TTBK2: variants seen among roughly 807,000 people sequenced by gnomAD.
TTBK2 encodes tau tubulin kinase 2, also known as tau-tubulin kinase 2.
Under a neutral mutation model 110.8 loss-of-function variants are expected in TTBK2, and 28 were observed. That is an observed-to-expected ratio of 0.25 (90% CI 0.19 to 0.35). TTBK2 has a LOEUF of 0.35. Among genes scored for constraint, TTBK2 ranks in the 10% least tolerant of loss-of-function variants. The pLI is 1.00. For missense variants in TTBK2, 1,369 were observed against 1,500.3 expected, an observed-to-expected ratio of 0.91 and a Z score of 1.45; for synonymous variants, 532 against 527.3, an observed-to-expected ratio of 1.01 and a Z score of -0.12.
In TTBK2 at chr15:42,775,476, C is replaced by T. The variant is rs372204873; in HGVS notation, c.1657G>A (p.Val553Met). The T allele has an allele frequency of 6.2e-7, 1 of 1,614,190 alleles. No homozygotes were observed. Among genetic ancestry groups the T allele is most frequent in the Non-Finnish European group, 8.5e-7 (1 of 1,180,026 alleles). ...AGGTCCTGCTCCTTGTCCACAATCA[C>T]CCATTCTTTGGAATCAATTTCTTGC... Reference protein sequence around the residue: ...CKQEIDSKEWVIVDKEQDLQD... With the variant: ...CKQEIDSKEWMIVDKEQDLQD... The change falls in exon 13 of 15, where the codon GTG becomes ATG. Residue 553 changes from valine to methionine, a missense_variant. Val to Met is a conservative substitution (Grantham distance 21, BLOSUM62 1). This residue lies in a region of TTBK2 where 1,097 missense variants were observed against 1,114.7 expected (regional missense o/e 0.98). Transcript: ENST00000267890.
intron 1 of TTBK2, among the ~76,000 whole-genome samples, chr15:42,901,687 G>A (rs1340873378): frequency 3.3e-5 from 5 of 150,690 alleles, no homozygotes; most frequent in Admixed American, 2.6e-4. Context: ...TATCAACAGA[G>A]TGAAAAGACA....
chr15:42,772,198 A>T (rs1468561407), intron 13 of TTBK2, among the ~76,000 whole-genome samples: 1 of 150,388 alleles, frequency 6.6e-6, no homozygotes, highest in African/African-American at 2.5e-5. Context: ...TGTGGCTTCC[A>T]TCTCGGTGGG....
intron 13 of TTBK2, among the ~76,000 whole-genome samples, chr15:42,769,226 A>G (rs1259796647): frequency 1.3e-5 from 2 of 152,232 alleles, no homozygotes; most frequent in Non-Finnish European, 2.9e-5. Context: ...CTAAAACACC[A>G]AAAGCAATGG....
intron 3 of TTBK2, among the ~76,000 whole-genome samples, chr15:42,844,844 A>C (rs1225883335): frequency 6.6e-6 from 1 of 152,198 alleles, no homozygotes; most frequent in Non-Finnish European, 1.5e-5. Context: ...ATAAGTATTA[A>C]AACTAAAAGG....
At chr15:42,898,736 T>C (rs1895767892) in intron 1 of TTBK2, among the ~76,000 whole-genome samples, 1 of 152,172 alleles carries the variant, frequency 6.6e-6, no homozygotes, top group African/African-American at 2.4e-5. Context: ...TCATCTTCCA[T>C]AGTGGAAAGC....
chr15:42,863,383 C>T (rs1268949216), intron 3 of TTBK2, among the ~76,000 whole-genome samples: 1 of 152,062 alleles, frequency 6.6e-6, no homozygotes, highest in African/African-American at 2.4e-5. Context: ...GGTAAAAGAT[C>T]TCTACAAGGA....
intron 10 of TTBK2, among the ~76,000 whole-genome samples, chr15:42,786,223 T>C (rs953763842): frequency 5.3e-5 from 8 of 151,758 alleles, no homozygotes; most frequent in Admixed American, 5.2e-4. Flanking sequence ...CTAAAATAGT[T>C]CAAATAGTTC....
At chr15:42,831,196 G>C (rs753584665) in intron 4 of TTBK2, among the ~76,000 whole-genome samples, 1 of 151,928 alleles carries the variant, frequency 6.6e-6, no homozygotes, top group Non-Finnish European at 1.5e-5. Context: ...ACAGAGCTCT[G>C]TGAGGATTAA....
chr15:42,762,729 A>G (rs1281518525), intron 13 of TTBK2, among the ~76,000 whole-genome samples: 2 of 152,020 alleles, frequency 1.3e-5, no homozygotes, highest in Non-Finnish European at 2.9e-5. Flanking sequence ...AAAAATAAAT[A>G]AATAAATAAA....
Position 42,752,798 on chromosome 15 carries a change from G to C in TTBK2, c.2448C>G (p.His816Gln). The C allele has an allele frequency of 7.4e-6, 12 of 1,614,204 alleles. No individual in the cohort carries two copies. The highest frequency in any genetic ancestry group is 1.0e-5 in the Non-Finnish European group (12 of 1,180,034). ...PGDLVIVEKD[H>Q]SATTEPLDVT... ...CATCAAGAGGTTCAGTAGTAGCTGA[G>C]TGATCCTTTTCCACAATTACCAAAT... The change falls in exon 14 of 15, where the codon CAC becomes CAG. Residue 816 changes from histidine to glutamine, a missense_variant. Physicochemically the swap from His to Gln is conservative, Grantham distance 24. Around this residue, in one of 4 missense-constraint regions of TTBK2, gnomAD observed 1,097 missense variants for 1,114.7 expected, o/e 0.98. Transcript: ENST00000267890.
At chr15:42,797,997 C>T (rs1298798179) in intron 9 of TTBK2, among the ~76,000 whole-genome samples, 2 of 152,140 alleles carry the variant, frequency 1.3e-5, no homozygotes, top group Non-Finnish European at 2.9e-5. Context: ...GACTCTCCTG[C>T]CTCAGCCTCC....
chr15:42,760,992 A>G (rs919313609), intron 13 of TTBK2, among the ~76,000 whole-genome samples: 1 of 152,214 alleles, frequency 6.6e-6, no homozygotes, highest in Non-Finnish European at 1.5e-5. Context: ...AGACACATAG[A>G]CCAACAGAAC....
chr15:42,760,097 T>C (rs1373948773), intron 13 of TTBK2, among the ~76,000 whole-genome samples: 1 of 152,074 alleles, frequency 6.6e-6, no homozygotes, highest in East Asian at 1.9e-4. Flanking sequence ...CACTAAAGAA[T>C]TAAATGGGCC....
chr15:42,880,437 A>C (rs775174418), intron 1 of TTBK2, among the ~76,000 whole-genome samples: 124 of 152,096 alleles, frequency 8.2e-4, no homozygotes, highest in Non-Finnish European at 1.4e-3. Context: ...CCCAGGTTGG[A>C]GTGCAGTGGT....
intron 4 of TTBK2, among the ~76,000 whole-genome samples, chr15:42,831,050 GT>G (rs1478751928): frequency 6.6e-6 from 1 of 151,498 alleles, no homozygotes; most frequent in Non-Finnish European, 1.5e-5. Context: ...GTGTGTGTGT[GT>G]GATCAAGTAT....
At chr15:42,920,271 G>A (rs1292882461) in intron 1 of TTBK2, among the ~76,000 whole-genome samples, 167 bp downstream of exon 1, 1 of 152,204 alleles carries the variant, frequency 6.6e-6, no homozygotes, top group African/African-American at 2.4e-5. Context: ...TCTCCGAGAT[G>A]GAGAGTGACG....
intron 3 of TTBK2, among the ~76,000 whole-genome samples, chr15:42,860,942 C>A (rs1172061987): frequency 6.6e-6 from 1 of 152,030 alleles, no homozygotes; most frequent in Admixed American, 6.6e-5. Context: ...AGCCACTGAG[C>A]CTGGCCTAAA....
intron 9 of TTBK2, among the ~76,000 whole-genome samples, chr15:42,809,013 G>A (rs550561624): frequency 5.9e-5 from 9 of 152,330 alleles, no homozygotes; most frequent in African/African-American, 2.2e-4. Context: ...TGAAGACTGA[G>A]TAGAGAAACA....
At position 42,915,638 on chromosome 15, in the gene TTBK2, T is replaced by C. The variant is rs937238129; in HGVS notation, c.-68+4800A>G. Among the ~76,000 whole-genome samples the C allele has an allele frequency of 3.9e-5, 6 of 152,098 alleles. No individual in the cohort carries two copies. In the East Asian group the frequency reaches 1.2e-3, roughly 29 times the overall value. ...AAGTTTCACAGAGACCAAAGTAAGG[T>C]GGTAGCAATGGAAATAAAATGCAGA... On this transcript the variant is annotated intron_variant, in intron 1 of 14. Coordinates refer to ENST00000267890, the MANE Select transcript of TTBK2 (RefSeq NM_173500.4).
Sources: gnomAD v4.1 joint callset for allele counts (sites outside exome capture counted in the v4.1 genomes callset) on GRCh38, gnomAD v4.1.1 for gene constraint, gnomAD v4.1.1 regional missense constraint, MANE v1.5 for transcripts, NCBI Gene and HGNC (gene_info 2026-07-23, HGNC 2026-07-21) for gene names.